The following USP21 variants were observed in gnomAD, a reference collection of about 807,000 sequenced individuals.
The protein encoded by USP21 is ubiquitin carboxyl-terminal hydrolase 21.
A neutral mutation model predicts 70.8 loss-of-function variants in USP21; 37 were observed. That is an observed-to-expected ratio of 0.52 (90% CI 0.40 to 0.69). The LOEUF is 0.69. Ranked by LOEUF, USP21 falls within the 30% of genes least tolerant of loss-of-function variation. The pLI, the probability that USP21 is intolerant of heterozygous loss-of-function variation, is 0.00. For missense variants in USP21, 584 were observed against 740.8 expected (o/e 0.79, Z 2.46); for synonymous variants, 263 against 283.1 (o/e 0.93, Z 0.71).
chr1:161,164,188 T>A lies in USP21; in HGVS notation c.1243T>A (p.Ser415Thr). ...GAAAGGATTTGCTGGGGGCAAGGTG[T>A]CTCTGCGGGATTGTTTCAACCTTTT... ...PKKGFAGGKV[S>T]LRDCFNLFTK... is the part of the protein sequence containing the mutation. Residue 415 changes from serine to threonine, a missense_variant, in exon 10 of 14, where the codon TCT becomes ACT. Physicochemically the swap from Ser to Thr is moderately conservative, Grantham distance 58. Transcript: ENST00000368002. This position sits in a 1 kb window ranked among gnomAD's most constrained non-coding sequence, Gnocchi z 4.2. 6.2e-7 allele frequency: 1 copy of A among 1,614,188 alleles called. No individual in the cohort carries two copies. Among genetic ancestry groups the A allele is most frequent in the Non-Finnish European group, 8.5e-7 (1 of 1,180,044 alleles).
At chr1:161,163,655 T>G in intron 8 of USP21, 36 bp downstream of exon 8, 2 of 1,339,256 alleles carry the variant, frequency 1.5e-6, no homozygotes, top group African/African-American at 1.6e-5. Context: ...GGAAAATTAG[T>G]GTGTGAGGGG....
rs535864541 is a variant in USP21, at chr1:161,162,530, G to T, written c.782-85G>T. ...TTTCCCAGTGCCTACTTTCCTAAAG[G>T]TTATTTTCTACCCTCTGAGCCACCT... On this transcript the variant is annotated intron_variant, in intron 5 of 13. Transcript: ENST00000368002. The surrounding 1 kb of genome is among the most constrained non-coding windows in gnomAD (Gnocchi z 4.1). 3.0e-5 allele frequency: 46 copies of T among 1,539,494 alleles called. No individual in the cohort carries two copies. The Middle Eastern group carries it at 1.4e-3, about 45-fold the overall frequency.
At position 161,162,442 on chromosome 1, in the gene USP21, C is replaced by G; in HGVS notation, c.781+52C>G. ...GTTCAAGTCCCTTTTTCCCCAACCACTTGCAGGTCCATCTGCCACTGGTGG... is the reference window on the plus strand; with the variant it reads ...GTTCAAGTCCCTTTTTCCCCAACCAGTTGCAGGTCCATCTGCCACTGGTGG... On this transcript the variant is annotated intron_variant, in intron 5 of 13. Transcript: ENST00000368002. The surrounding 1 kb of genome is among the most constrained non-coding windows in gnomAD (Gnocchi z 4.1). 1 of 1,567,144 alleles carries G rather than the reference C, an allele frequency of 6.4e-7. No individual in the cohort carries two copies. Among genetic ancestry groups the G allele is most frequent in the Non-Finnish European group, 8.7e-7 (1 of 1,154,956 alleles).
rs138157433 is a variant in USP21, at chr1:161,164,268, A to G, written c.1305+18A>G. Reference sequence around the variant, plus strand: ...ATGCCCCAGTATGTGGAGGTTCACAAGGGATACAGTAAGGGTGGGAGACCT... The same window carrying G: ...ATGCCCCAGTATGTGGAGGTTCACAGGGGATACAGTAAGGGTGGGAGACCT... On this transcript the variant is annotated intron_variant, in intron 10 of 13. Transcript: ENST00000368002. This position sits in a 1 kb window ranked among gnomAD's most constrained non-coding sequence, Gnocchi z 4.2. The G allele has an allele frequency of 1.3e-4, 205 of 1,612,472 alleles. No homozygotes were observed. In the African/African-American group the frequency reaches 2.6e-3, roughly 20 times the overall value.
Position 161,160,605 on chromosome 1 carries a change from C to CT in USP21, c.-21-14dup, listed in dbSNP as rs1370278934. 6.3e-7 allele frequency: 1 copy of CT among 1,592,328 alleles called. No individual in the cohort carries two copies. The highest frequency in any genetic ancestry group is 2.2e-5 in the East Asian group (1 of 44,456). On this transcript the variant is annotated splice_polypyrimidine_tract_variant and intron_variant, in intron 2 of 13. Transcript: ENST00000368002. ...CCCCCCATATTCAAATGCTGACACTCTCTTCTCCTCCCAGGTCCAGCCTGT... is the reference window on the plus strand; with the variant it reads ...CCCCCCATATTCAAATGCTGACACTCTTCTTCTCCTCCCAGGTCCAGCCTGT...
chr1:161,162,756 C>T lies in USP21; in HGVS notation c.893+30C>T. 1 of 1,595,636 alleles carries T rather than the reference C, an allele frequency of 6.3e-7. No homozygotes were observed. Among genetic ancestry groups the T allele is most frequent in the Non-Finnish European group, 8.6e-7 (1 of 1,163,144 alleles). On this transcript the variant is annotated intron_variant, in intron 6 of 13. Transcript: ENST00000368002. This position sits in a 1 kb window ranked among gnomAD's most constrained non-coding sequence, Gnocchi z 4.1. The stretch of plus-strand genomic sequence containing the variant: ...GAGAGCTGGAGGCTATGGGATTTCT[C>T]TCTGGCCATGTCTGGGGGTAGGGCC...
Position 161,164,724 on chromosome 1 carries a change from T to C in USP21, c.1385-111T>C. ...TTAGGAAAAGTCTGCCACCCACTTT[T>C]CCACAAGATGCTCCCAGTGTGTCGG... On this transcript the variant is annotated intron_variant, in intron 11 of 13. Coordinates refer to ENST00000368002, the MANE Select transcript of USP21 (RefSeq NM_001014443.3). The surrounding 1 kb of genome is among the most constrained non-coding windows in gnomAD (Gnocchi z 4.2). The C allele has an allele frequency of 1.2e-6, 2 of 1,601,016 alleles. No homozygotes were observed. The highest frequency in any genetic ancestry group is 2.7e-5 in the African/African-American group (2 of 74,612).
chr1:161,165,233 CA>C (rs1658518508), intron 13 of USP21, 90 bp downstream of exon 13: 3 of 1,440,870 alleles, frequency 2.1e-6, no homozygotes, highest in Non-Finnish European at 2.9e-6. Flanking sequence ...AGCAGAGTGC[CA>C]GGTGAAAGGA....
intron 7 of USP21, 72 bp downstream of exon 7, chr1:161,163,146 A>T (rs1354182024): frequency 1.3e-6 from 2 of 1,492,424 alleles, no homozygotes; most frequent in Non-Finnish European, 1.8e-6. Context: ...GAACTAAACT[A>T]GTAAAGATTG....
Position 161,162,204 on chromosome 1 carries a change from AGCTCTTCTAAG to A in USP21, c.661-62_661-52del. The A allele has an allele frequency of 6.2e-7, 1 of 1,612,928 alleles. No individual in the cohort carries two copies. Among genetic ancestry groups the A allele is most frequent in the African/African-American group, 1.3e-5 (1 of 74,988 alleles). Reference sequence around the variant, plus strand: ...AAGGCATGTGGAAGGAGAGCTCTGAAGCTCTTCTAAGGCTTCCTGGGCAGTGGTCTGGAGAG... The same window carrying A: ...AAGGCATGTGGAAGGAGAGCTCTGAAGCTTCCTGGGCAGTGGTCTGGAGAG... On this transcript the variant is annotated intron_variant, in intron 4 of 13. Coordinates refer to ENST00000368002, the MANE Select transcript of USP21 (RefSeq NM_001014443.3). This position sits in a 1 kb window ranked among gnomAD's most constrained non-coding sequence, Gnocchi z 4.1.
In USP21 at chr1:161,161,307, C is replaced by T; in HGVS notation, c.600+67C>T. 1 of 1,503,380 alleles carries T rather than the reference C, an allele frequency of 6.7e-7. No homozygotes were observed. The highest frequency in any genetic ancestry group is 8.9e-7 in the Non-Finnish European group (1 of 1,128,210). The allele number at this position is 1,503,380 out of a possible 1,614,324, so 93.1% of individuals were successfully genotyped here. On this transcript the variant is annotated intron_variant, in intron 3 of 13. Transcript: ENST00000368002. This position sits in a 1 kb window ranked among gnomAD's most constrained non-coding sequence, Gnocchi z 4.2. ...TCTGTGCTTTCCTGCCATCCTCTGC[C>T]TTTTCTGTCCCCCATTTCCCTGAAG...
rs775224335 is a variant in USP21, at chr1:161,160,800, C to T, written c.160C>T (p.Pro54Ser). 6.8e-6 allele frequency: 11 copies of T among 1,614,098 alleles called. No homozygotes were observed. Among genetic ancestry groups the T allele is most frequent in the African/African-American group, 2.7e-5 (2 of 74,950 alleles). The stretch of plus-strand genomic sequence containing the variant: ...AAACCCCATGTTACGACCTCTGCCT[C>T]CCCGGCCAGGTCTGCCTGATGAACG... ...GPNPMLRPLP[P>S]RPGLPDERLK... The change falls in exon 3 of 14, where the codon CCC becomes TCC. Residue 54 changes from proline to serine, a missense_variant. Physicochemically the swap from Pro to Ser is moderately conservative, Grantham distance 74 (BLOSUM62 -1). Transcript: ENST00000368002.
At position 161,164,252 on chromosome 1, in the gene USP21, T is replaced by G; in HGVS notation, c.1305+2T>G. The G allele has an allele frequency of 6.2e-7, 1 of 1,613,974 alleles. No homozygotes were observed. The highest frequency in any genetic ancestry group is 8.5e-7 in the Non-Finnish European group (1 of 1,179,880). ...GAGCTAGAGTCGGAGAATGCCCCAG[T>G]ATGTGGAGGTTCACAAGGGATACAG... On this transcript the variant is annotated splice_donor_variant, in intron 10 of 13. Coordinates refer to ENST00000368002, the MANE Select transcript of USP21 (RefSeq NM_001014443.3). LOFTEE classifies it high-confidence loss of function. The surrounding 1 kb of genome is among the most constrained non-coding windows in gnomAD (Gnocchi z 4.2).
rs1658372676 is a variant in USP21 at position 161,164,722 on chromosome 1, T to C, written c.1384+110T>C. On this transcript the variant is annotated intron_variant, in intron 11 of 13. Transcript: ENST00000368002. This position sits in a 1 kb window ranked among gnomAD's most constrained non-coding sequence, Gnocchi z 4.2. ...CCTTAGGAAAAGTCTGCCACCCACT[T>C]TTCCACAAGATGCTCCCAGTGTGTC... 6.2e-7 allele frequency: 1 copy of C among 1,601,602 alleles called. No individual in the cohort carries two copies. Among genetic ancestry groups the C allele is most frequent in the Non-Finnish European group, 8.5e-7 (1 of 1,171,968 alleles).
At chr1:161,165,225 C>T in intron 13 of USP21, 82 bp downstream of exon 13, 2 of 1,452,392 alleles carry the variant, frequency 1.4e-6, no homozygotes, top group Non-Finnish European at 1.9e-6. Context: ...TCCAGGAGAG[C>T]AGAGTGCCAG....
rs575048074 is a variant in USP21 at position 161,160,734 on chromosome 1, A to C, written c.94A>C (p.Arg32=). The C allele has an allele frequency of 6.2e-7, 1 of 1,614,130 alleles. No individual in the cohort carries two copies. Among genetic ancestry groups the C allele is most frequent in the South Asian group, 1.1e-5 (1 of 91,082 alleles). The change falls in exon 3 of 14, where the codon AGG becomes CGG. Residue 32 remains arginine (R), a synonymous_variant. Transcript: ENST00000368002. ...RVGSKLPFAP[R]ARSKERRNPA... ...GGGATCCAAGCTACCATTTGCCCCC[A>C]GGGCCCGCAGCAAGGAGCGCAGAAA...
At position 161,162,159 on chromosome 1, in the gene USP21, GA is replaced by G; in HGVS notation, c.660+66del. On this transcript the variant is annotated intron_variant, in intron 4 of 13. Transcript: ENST00000368002. The surrounding 1 kb of genome is among the most constrained non-coding windows in gnomAD (Gnocchi z 4.1). ...AATGTGAAATGGTGCTGGGGGTGGG[GA>G]AAACCCACGAGCTTGGGGAAGGCAT... The G allele has an allele frequency of 6.2e-7, 1 of 1,613,042 alleles. No individual in the cohort carries two copies. Among genetic ancestry groups the G allele is most frequent in the Non-Finnish European group, 8.5e-7 (1 of 1,179,044 alleles).
In USP21 at chr1:161,161,773, C is replaced by A; in HGVS notation, c.601-265C>A. 3.8e-6 allele frequency: 2 copies of A among 523,748 alleles called. No individual in the cohort carries two copies. The highest frequency in any genetic ancestry group is 6.9e-6 in the Non-Finnish European group (2 of 291,658). The allele number at this position is 523,748 out of a possible 1,614,324, so 32.4% of individuals were successfully genotyped here. A position where few individuals can be genotyped will look rare whatever the true frequency, so the allele number is the denominator to read the frequency against. ...GGTGCTGGGGGAGTTGCCCCAGGAG[C>A]TGCAACGTCAGCTAGCTGAGCAGAG... On this transcript the variant is annotated intron_variant, in intron 3 of 13. Transcript: ENST00000368002. The surrounding 1 kb of genome is among the most constrained non-coding windows in gnomAD (Gnocchi z 4.2).
rs998572897 is a variant in USP21, at chr1:161,165,552, G to C, written c.*105G>C. The C allele has an allele frequency of 1.4e-5, 6 of 441,234 alleles. No individual in the cohort carries two copies. Among genetic ancestry groups the C allele is most frequent in the East Asian group, 6.0e-5 (1 of 16,724 alleles). The allele number at this position is 441,234 out of a possible 1,614,324, so 27.3% of individuals were successfully genotyped here. A position where few individuals can be genotyped will look rare whatever the true frequency, so the allele number is the denominator to read the frequency against. On this transcript the variant is annotated 3_prime_UTR_variant, in exon 14 of 14. Transcript: ENST00000368002. The stretch of plus-strand genomic sequence containing the variant: ...TTTTTGTGTCTTTTTAATCGGGGAG[G>C]GGGGAGGGGGTGGTTGTAGCTCCAT...
Sources: allele counts gnomAD v4.1 joint callset, GRCh38; gene constraint gnomAD v4.1.1; non-coding constraint Gnocchi (gnomAD v3.1); transcripts MANE v1.5; gene names NCBI Gene and HGNC (gene_info 2026-07-23, HGNC 2026-07-21).